Variants in GRK7 observed in about 807,000 individuals in gnomAD.
The protein encoded by GRK7 is G protein-coupled receptor kinase 7.
GRK7 carries 24 observed loss-of-function variants against 34.1 expected under a neutral mutation model. That is an observed-to-expected ratio of 0.70 (90% CI 0.51 to 0.99). GRK7 has a LOEUF of 0.99. Ranked by LOEUF, GRK7 falls within the 50% of genes least tolerant of loss-of-function variation. The probability of loss-of-function intolerance (pLI) is 0.00; values close to 1 mark genes in which losing one functional copy is unlikely to be tolerated. For missense variants in GRK7, 644 were observed against 707.3 expected, an observed-to-expected ratio of 0.91 and a Z score of 1.02; for synonymous variants, 256 against 279.4, an observed-to-expected ratio of 0.92 and a Z score of 0.84.
intron 4 of GRK7, among the ~76,000 whole-genome samples, chr3:141,787,597 C>T (rs922517697): frequency 7.4e-5 from 11 of 147,750 alleles, no homozygotes; most frequent in African/African-American, 2.8e-4. Context: ...TGCACTCCAG[C>T]CTGGGCAACA....
intron 2 of GRK7, among the ~76,000 whole-genome samples, chr3:141,777,071 CCA>C (rs1370884780): frequency 6.6e-6 from 1 of 152,106 alleles, no homozygotes. Flanking sequence ...TGTTGAGGGG[CCA>C]CGTCTGAAAC....
Position 141,772,677 on chromosome 3 carries a change from G to C in GRK7, c.-214-1903G>C, listed in dbSNP as rs186452439. On this transcript the variant is annotated intron_variant, in intron 1 of 5. Coordinates refer to ENST00000682958, the MANE Select transcript of GRK7 (RefSeq NM_139209.3). ...TGAGAACATGTACACCATTAATAAT[G>C]CTTTAAATGATGCAAAGGGTAATGA... Among the ~76,000 whole-genome samples the C allele has an allele frequency of 1.4e-4, 22 of 152,238 alleles. No homozygotes were observed. The East Asian group carries it at 4.2e-3, about 29-fold the overall frequency.
At chr3:141,801,647 A>T (rs1710967970) in intron 4 of GRK7, among the ~76,000 whole-genome samples, 1 of 152,174 alleles carries the variant, frequency 6.6e-6, no homozygotes, top group African/African-American at 2.4e-5. Context: ...AATTATTCTT[A>T]TTTTTTAAAT....
chr3:141,794,675 C>G (rs1480357203), intron 4 of GRK7, among the ~76,000 whole-genome samples: 1 of 152,068 alleles, frequency 6.6e-6, no homozygotes, highest in Admixed American at 6.6e-5. Context: ...GGAGGAGATT[C>G]AGGTAGTTTG....
chr3:141,786,297 GAACT>G (rs1193275522), intron 4 of GRK7, among the ~76,000 whole-genome samples: 4 of 152,092 alleles, frequency 2.6e-5, no homozygotes, highest in African/African-American at 9.7e-5. Flanking sequence ...ACAGACATTG[GAACT>G]AAAGAATGAT....
chr3:141,782,249 A>C (rs1235064605), intron 4 of GRK7, among the ~76,000 whole-genome samples: 1 of 152,150 alleles, frequency 6.6e-6, no homozygotes, highest in East Asian at 1.9e-4. Flanking sequence ...CCCAGGCAAG[A>C]AATAATGGGG....
intron 4 of GRK7, among the ~76,000 whole-genome samples, chr3:141,806,827 A>G (rs1388001930): frequency 6.6e-6 from 1 of 152,094 alleles, no homozygotes; most frequent in African/African-American, 2.4e-5. Flanking sequence ...GTGAGAATGT[A>G]CTTAACACTA....
At position 141,817,501 on chromosome 3, in the gene GRK7, G is replaced by A. The variant is rs73872346; in HGVS notation, c.*451G>A. On this transcript the variant is annotated 3_prime_UTR_variant, in exon 6 of 6. Coordinates refer to ENST00000682958, the MANE Select transcript of GRK7 (RefSeq NM_139209.3). ...ACTTATAAAAAGGATTTTGAAGCTG[G>A]AAACAAATGTTTCTGACATTCTCCC... 0.031 allele frequency: 4,727 copies of A among 152,960 alleles called. 241 individuals are homozygous for A. Among genetic ancestry groups the A allele is most frequent in the African/African-American group, 0.11 (4,509 of 41,560 alleles). The allele number at this position is 152,960 out of a possible 1,614,324, so 9.5% of individuals were successfully genotyped here.
At chr3:141,756,590 CT>C in the GRK7 span, among the ~76,000 whole-genome samples, 1 of 152,034 alleles carries the variant, frequency 6.6e-6, no homozygotes, top group African/African-American at 2.4e-5. Context: ...TGATGATTAC[CT>C]GAAAGTATAC....
intron 4 of GRK7, among the ~76,000 whole-genome samples, chr3:141,796,066 A>T (rs1710868884): frequency 6.6e-6 from 1 of 152,168 alleles, no homozygotes; most frequent in Non-Finnish European, 1.5e-5. Context: ...CAGCTGATGA[A>T]ATATAGTCCT....
intron 2 of GRK7, among the ~76,000 whole-genome samples, 52 bp downstream of exon 2, chr3:141,774,732 T>A (rs367713100): frequency 6.6e-6 from 1 of 151,738 alleles, no homozygotes; most frequent in South Asian, 2.1e-4. Flanking sequence ...ATTTTATAAC[T>A]TCTATATTTT....
At chr3:141,804,461 A>G (rs1353524053) in intron 4 of GRK7, among the ~76,000 whole-genome samples, 1 of 152,142 alleles carries the variant, frequency 6.6e-6, no homozygotes, top group African/African-American at 2.4e-5. Flanking sequence ...GCACATGCTC[A>G]TTACCTGGAT....
chr3:141,800,871 C>A (rs186196851), intron 4 of GRK7, among the ~76,000 whole-genome samples: 21 of 152,010 alleles, frequency 1.4e-4, no homozygotes, highest in Admixed American at 4.6e-4. Context: ...TTTATGAGGG[C>A]GTATTTAATT....
At chr3:141,773,585 C>T (rs1244009592) in intron 1 of GRK7, among the ~76,000 whole-genome samples, 1 of 152,116 alleles carries the variant, frequency 6.6e-6, no homozygotes, top group East Asian at 1.9e-4. Flanking sequence ...TATCTCGGCT[C>T]ACTGCAAGCT....
chr3:141,778,283 C>A lies in GRK7; in HGVS notation c.-2C>A. On this transcript the variant is annotated 5_prime_UTR_variant, in exon 3 of 6. Coordinates refer to ENST00000682958, the MANE Select transcript of GRK7 (RefSeq NM_139209.3). This position sits in a 1 kb window ranked among gnomAD's most constrained non-coding sequence, Gnocchi z 4.1. ...CCCTGGGAGTGCGCCCCGTGCTCAGCCATGGTGGACATGGGGGCCCTGGAC... is the reference window on the plus strand; with the variant it reads ...CCCTGGGAGTGCGCCCCGTGCTCAGACATGGTGGACATGGGGGCCCTGGAC... 6.4e-7 allele frequency: 1 copy of A among 1,560,360 alleles called. No individual in the cohort carries two copies.
chr3:141,780,600 T>C lies in GRK7; in HGVS notation c.839T>C (p.Ile280Thr). ...LMNGGDLKFH[I>T]YNVGTRGLDM... ...AATGGGGGAGACCTCAAGTTCCACATCTACAACGTGGGCACGCGTGGCCTG... is the reference window on the plus strand; with the variant it reads ...AATGGGGGAGACCTCAAGTTCCACACCTACAACGTGGGCACGCGTGGCCTG... Residue 280 changes from isoleucine (I) to threonine (T), a missense_variant, in exon 4 of 6, where the codon ATC (isoleucine) becomes ACC (threonine). By Grantham distance (89) the Ile-to-Thr change is moderately conservative. Transcript: ENST00000682958. 1 of 1,614,230 alleles carries C rather than the reference T, an allele frequency of 6.2e-7. No individual in the cohort carries two copies. Among genetic ancestry groups the C allele is most frequent in the Non-Finnish European group, 8.5e-7 (1 of 1,180,048 alleles).
chr3:141,802,016 G>T (rs1461375325), intron 4 of GRK7, among the ~76,000 whole-genome samples: 1 of 152,094 alleles, frequency 6.6e-6, no homozygotes, highest in Non-Finnish European at 1.5e-5. Context: ...TAAAGGATAA[G>T]TTCAATATTT....
intron 4 of GRK7, among the ~76,000 whole-genome samples, chr3:141,790,175 A>G (rs2677433): frequency 0.81 from 123,265 of 152,088 alleles, 50,668 homozygotes; most frequent in African/African-American, 0.96. Context: ...CTAATTTTTT[A>G]TACTTCTAGT....
At chr3:141,771,642 A>T (rs532090428) in intron 1 of GRK7, among the ~76,000 whole-genome samples, 58 of 152,292 alleles carry the variant, frequency 3.8e-4, no homozygotes, top group African/African-American at 1.3e-3. Context: ...AGACTTCATC[A>T]TTATGTAATA....
Sources: allele counts gnomAD v4.1 joint callset (sites outside exome capture counted in the v4.1 genomes callset), GRCh38; gene constraint gnomAD v4.1.1; non-coding constraint Gnocchi (gnomAD v3.1); transcripts MANE v1.5; gene names NCBI Gene and HGNC (gene_info 2026-07-23, HGNC 2026-07-21).